Variants in SIK3 observed in about 807,000 individuals in gnomAD.
SIK3 encodes the protein SIK family kinase 3, also known as serine/threonine-protein kinase SIK3.
A neutral mutation model predicts 144.2 loss-of-function variants in SIK3; 28 were observed. The observed-to-expected ratio is 0.19, with a 90% CI of 0.14 to 0.27. The LOEUF (loss-of-function observed/expected upper bound fraction) is 0.27. SIK3 is among the 10% of genes least tolerant of loss of function. SIK3 has a pLI of 1.00. For missense variants in SIK3, 1,319 were observed against 1,776.0 expected (o/e 0.74, Z 4.62); for synonymous variants, 686 against 676.3 (o/e 1.01, Z -0.22).
intron 1 of SIK3, among the ~76,000 whole-genome samples, chr11:117,054,051 A>G (rs535397269): frequency 5.3e-5 from 8 of 152,310 alleles, no homozygotes; most frequent in South Asian, 2.1e-4. Flanking sequence ...GACTGTGGGT[A>G]TATACCTCTC....
chr11:116,889,957 A>C (rs1024577221), intron 6 of SIK3, among the ~76,000 whole-genome samples: 4 of 152,214 alleles, frequency 2.6e-5, no homozygotes, highest in Non-Finnish European at 5.9e-5. Context: ...AAATGTAATT[A>C]TTTGATATTA....
At chr11:116,887,060 C>T (rs1050114790) in intron 6 of SIK3, among the ~76,000 whole-genome samples, 1 of 151,996 alleles carries the variant, frequency 6.6e-6, no homozygotes, top group Admixed American at 6.6e-5. Context: ...CCTTTTACAC[C>T]TAAAAGTCAT....
chr11:116,897,699 A>G (rs559892997), intron 4 of SIK3, among the ~76,000 whole-genome samples: 2 of 152,242 alleles, frequency 1.3e-5, no homozygotes, highest in East Asian at 1.9e-4. Context: ...TCTGACCAAC[A>G]TGTTGAAACC....
At chr11:117,073,258 C>T (rs1334676044) in intron 1 of SIK3, among the ~76,000 whole-genome samples, 1 of 152,180 alleles carries the variant, frequency 6.6e-6, no homozygotes, top group African/African-American at 2.4e-5. Context: ...ATCTCCAATG[C>T]TCATTTTCCT....
chr11:116,934,139 A>G (rs1204804689), intron 3 of SIK3, among the ~76,000 whole-genome samples: 3 of 152,148 alleles, frequency 2.0e-5, no homozygotes, highest in African/African-American at 7.2e-5. Context: ...ATTCTACCCT[A>G]CTTAGTTGGT....
At position 117,007,845 on chromosome 11, in the gene SIK3, A is replaced by AG. The variant is rs1248511553; in HGVS notation, c.274-50782dup. On this transcript the variant is annotated intron_variant, in intron 1 of 24. Coordinates refer to ENST00000445177, the MANE Select transcript of SIK3 (RefSeq NM_001366686.3). ...ATGCCTGTAATCCCAACACTTTGGG[A>AG]GGCTGAGGCGAGTAGATCACCTGAG... Among the ~76,000 whole-genome samples, 5 of 152,120 alleles carry AG rather than the reference A, an allele frequency of 3.3e-5. No individual in the cohort carries two copies. In the East Asian group the frequency reaches 9.6e-4, roughly 29 times the overall value.
intron 1 of SIK3, among the ~76,000 whole-genome samples, chr11:117,092,862 A>C (rs1049461888): frequency 6.6e-6 from 1 of 152,234 alleles, no homozygotes; most frequent in Non-Finnish European, 1.5e-5. Context: ...CACTTCTGGC[A>C]CAGAAATAAC....
At chr11:116,852,787 C>A (rs1198970267) in intron 21 of SIK3, among the ~76,000 whole-genome samples, 1 of 152,174 alleles carries the variant, frequency 6.6e-6, no homozygotes, top group Non-Finnish European at 1.5e-5. Flanking sequence ...ACAAATGACT[C>A]AGGGAAACTT....
At chr11:117,019,277 C>T (rs989960864) in intron 1 of SIK3, among the ~76,000 whole-genome samples, 1 of 152,094 alleles carries the variant, frequency 6.6e-6, no homozygotes, top group African/African-American at 2.4e-5. Flanking sequence ...ACCTCAGCCT[C>T]CCAAAGTGCC....
intron 3 of SIK3, among the ~76,000 whole-genome samples, chr11:116,933,903 C>T (rs1266331406): frequency 2.0e-5 from 3 of 152,172 alleles, no homozygotes; most frequent in African/African-American, 7.2e-5. Flanking sequence ...TCACATATGC[C>T]ACCTTGCTAT....
Position 116,875,882 on chromosome 11 carries a change from G to C in SIK3, c.1223C>G (p.Ala408Gly). 6.2e-7 allele frequency: 1 copy of C among 1,605,582 alleles called. No homozygotes were observed. Among genetic ancestry groups the C allele is most frequent in the Non-Finnish European group, 8.5e-7 (1 of 1,177,934 alleles). Residue 408 changes from alanine (A) to glycine (G), a missense_variant, in exon 9 of 25, where the codon GCA becomes GGA. Coordinates refer to ENST00000445177, the MANE Select transcript of SIK3 (RefSeq NM_001366686.3). ...ATTGCCCACCTGGATATTGACTGGT[G>C]CTTGAAAGGCCAGGGCTCGGGGCAT... ...PSMPRALAFQ[A>G]PVNIQAEQAG...
chr11:116,938,206 AGGG>A (rs1948025018), intron 3 of SIK3, among the ~76,000 whole-genome samples: 1 of 268 alleles, frequency 3.7e-3, no homozygotes, highest in Non-Finnish European at 9.6e-3. Context: ...CTCTATCTAG[AGGG>A]GAGGGGAGGG....
Position 116,858,032 on chromosome 11 carries a change from C to T in SIK3, c.3433G>A (p.Glu1145Lys), listed in dbSNP as rs1367066313. 1.2e-6 allele frequency: 2 copies of T among 1,613,922 alleles called. No homozygotes were observed. The highest frequency in any genetic ancestry group is 1.7e-6 in the Non-Finnish European group (2 of 1,179,844). ...TTGGCCCCCTCACACGAGCAGTCCT[C>T]CTCCATGCTCTCTGAATGCATCAGT... ...PALMHSESME[E>K]DCSCEGAKDG... Residue 1145 changes from glutamate to lysine, a missense_variant, in exon 21 of 25, where the codon GAG becomes AAG. By Grantham distance (56) the Glu-to-Lys change is moderately conservative (BLOSUM62 1). This residue lies in a region of SIK3 where 646 missense variants were observed against 763.7 expected (regional missense o/e 0.85). Transcript: ENST00000445177. The surrounding 1 kb of genome is among the most constrained non-coding windows in gnomAD (Gnocchi z 5.4).
chr11:117,022,555 G>A (rs1415411516), intron 1 of SIK3, among the ~76,000 whole-genome samples: 1 of 152,150 alleles, frequency 6.6e-6, no homozygotes, highest in Non-Finnish European at 1.5e-5. Flanking sequence ...AAAGGAGAGG[G>A]TCTCAGGGCA....
intron 3 of SIK3, among the ~76,000 whole-genome samples, chr11:116,938,207 GGGGA>G (rs1948025340): frequency 1.9e-4 from 1 of 5,180 alleles, no homozygotes; most frequent in Non-Finnish European, 7.0e-4. Flanking sequence ...TCTATCTAGA[GGGGA>G]GGGGAGGGGA....
intron 1 of SIK3, among the ~76,000 whole-genome samples, chr11:117,000,063 C>G (rs901924182): frequency 2.0e-5 from 3 of 152,106 alleles, no homozygotes; most frequent in Non-Finnish European, 4.4e-5. Context: ...AGGTAAATAT[C>G]TAATATTAGA....
intron 3 of SIK3, among the ~76,000 whole-genome samples, chr11:116,938,378 GGAGGA>G (rs1334100792): frequency 1.0e-4 from 1 of 9,564 alleles, no homozygotes. Flanking sequence ...GGAGGGGAGG[GGAGGA>G]GAGGAGAGGA....
rs1262339890 is a variant in SIK3, at chr11:116,858,891, C to G, written c.2766-192G>C. Among the ~76,000 whole-genome samples the G allele has an allele frequency of 1.3e-5, 2 of 152,218 alleles. No homozygotes were observed. Among genetic ancestry groups the G allele is most frequent in the African/African-American group, 4.8e-5 (2 of 41,536 alleles). ...CCAGTAACCTCCAAGGGACTGAGGG[C>G]ACTGCGTGGGTAATAGATCTAGCTC... On this transcript the variant is annotated intron_variant, in intron 20 of 24. Coordinates refer to ENST00000445177, the MANE Select transcript of SIK3 (RefSeq NM_001366686.3). This position sits in a 1 kb window ranked among gnomAD's most constrained non-coding sequence, Gnocchi z 5.4.
chr11:117,066,965 A>G (rs1954054030), intron 1 of SIK3, among the ~76,000 whole-genome samples: 1 of 152,250 alleles, frequency 6.6e-6, no homozygotes, highest in South Asian at 2.1e-4. Flanking sequence ...AATTAAAACC[A>G]CAAGATACCA....
Sources: gnomAD v4.1 joint callset for allele counts (sites outside exome capture counted in the v4.1 genomes callset) on GRCh38, gnomAD v4.1.1 for gene constraint, gnomAD v4.1.1 regional missense constraint, Gnocchi (gnomAD v3.1) non-coding constraint, MANE v1.5 for transcripts, NCBI Gene and HGNC (gene_info 2026-07-23, HGNC 2026-07-21) for gene names.